The following JAK1 variants were observed in gnomAD, a reference collection of about 807,000 sequenced individuals.
JAK1 encodes Janus kinase 1, also known as tyrosine-protein kinase JAK1.
A neutral mutation model predicts 136.6 loss-of-function variants in JAK1; 16 were observed. The ratio of observed to expected loss-of-function variants is 0.12; its 90% CI spans 0.08 to 0.18. JAK1 has a LOEUF of 0.18. Ranked by LOEUF, JAK1 falls within the 10% of genes least tolerant of loss-of-function variation. The pLI is 1.00. For missense variants in JAK1, 859 were observed against 1,450.1 expected, an observed-to-expected ratio of 0.59 and a Z score of 6.62; for synonymous variants, 492 against 519.5, an observed-to-expected ratio of 0.95 and a Z score of 0.72.
intron 2 of JAK1, chr1:64,985,227 T>C (rs540515992): frequency 4.8e-5 from 76 of 1,596,674 alleles, no homozygotes; most frequent in South Asian, 3.1e-4. Context: ...TGTTGAGTAA[T>C]AGAACACAGT....
chr1:64,953,305 G>A (rs1646123311), intron 1 of JAK1, among the ~76,000 whole-genome samples: 1 of 6,356 alleles, frequency 1.6e-4, no homozygotes, highest in Non-Finnish European at 5.4e-3. Context: ...AACTTCCTCT[G>A]TGACAGGTCT....
intron 1 of JAK1, among the ~76,000 whole-genome samples, chr1:64,925,234 TAA>T (rs35866783): frequency 3.5e-3 from 500 of 143,612 alleles, no homozygotes; most frequent in Admixed American, 4.0e-3. Flanking sequence ...CCATCTCTAC[TAA>T]AAAAAAAAAA....
At chr1:65,013,316 G>A (rs1410342887) in intron 2 of JAK1, among the ~76,000 whole-genome samples, 1 of 145,198 alleles carries the variant, frequency 6.9e-6, no homozygotes, top group Non-Finnish European at 1.5e-5. Context: ...AGAATCACAT[G>A]AATCAGGAGG....
chr1:65,018,341 C>T (rs1325701690), intron 2 of JAK1, among the ~76,000 whole-genome samples: 1 of 151,444 alleles, frequency 6.6e-6, no homozygotes. Context: ...CAAATAAGAA[C>T]AAAAATGTGT....
chr1:65,050,239 T>A (rs1436698013), intron 1 of JAK1, among the ~76,000 whole-genome samples: 1 of 152,180 alleles, frequency 6.6e-6, no homozygotes, highest in East Asian at 1.9e-4. Flanking sequence ...ATGTTTCTTG[T>A]TTCACAGAAT....
In JAK1 at chr1:64,845,878, T is replaced by C. The variant is rs1056685790; in HGVS notation, c.1988-238A>G. Among the ~76,000 whole-genome samples the C allele has an allele frequency of 6.6e-5, 10 of 152,336 alleles. 1 individual carries two copies. Among genetic ancestry groups the C allele is most frequent in the Admixed American group, 5.2e-4 (8 of 15,310 alleles). On this transcript the variant is annotated intron_variant, in intron 14 of 24. Coordinates refer to ENST00000342505, the MANE Select transcript of JAK1 (RefSeq NM_002227.4). ...TTCTCTGAGCCTCAATTCCCTCATC[T>C]GTAATAACAGATGGCGGCTAAATGT... is the stretch of plus-strand genomic sequence containing the variant.
In JAK1 at chr1:64,913,651, GGAAA is replaced by G. The variant is rs1181572181; in HGVS notation, c.-77-27314_-77-27311del. Among the ~76,000 whole-genome samples, 437 of 85,860 alleles carry G rather than the reference GGAAA, an allele frequency of 5.1e-3. 10 individuals are homozygous for G. Among genetic ancestry groups the G allele is most frequent in the African/African-American group, 0.021 (376 of 17,914 alleles). The allele number at this position is 85,860 out of a possible 152,430, so 56.3% of individuals were successfully genotyped here. On this transcript the variant is annotated intron_variant, in intron 1 of 24. Transcript: ENST00000342505. The stretch of plus-strand genomic sequence containing the variant: ...AGGGAGGGAGGAAGGGAGGAAGGAA[GGAAA>G]GAAGGAAGGAAGGAAGGAAGGAAGG...
chr1:64,944,078 C>T (rs1410306251), intron 1 of JAK1, among the ~76,000 whole-genome samples: 1 of 151,586 alleles, frequency 6.6e-6, no homozygotes, highest in East Asian at 1.9e-4. Context: ...AAAAATTAGC[C>T]GGGTGTGGTG....
chr1:64,834,718 CAG>C (rs1383482743), intron 24 of JAK1, 61 bp from the exon 25 acceptor site: 4 of 1,052,936 alleles, frequency 3.8e-6, no homozygotes, highest in Non-Finnish European at 2.9e-6. Context: ...TAAAAAATAA[CAG>C]AAATATCAAG....
chr1:64,846,845 C>T (rs934091735), intron 13 of JAK1, 109 bp from the exon 14 acceptor site: 7 of 768,212 alleles, frequency 9.1e-6, no homozygotes, highest in East Asian at 2.6e-5. Context: ...TCACCACTGT[C>T]GCCACCCCAG....
chr1:65,014,692 T>C (rs1646877969), intron 2 of JAK1, among the ~76,000 whole-genome samples: 2 of 151,810 alleles, frequency 1.3e-5, no homozygotes, highest in South Asian at 4.1e-4. Flanking sequence ...CTATTCTTTT[T>C]TTTTTTTTTG....
At chr1:65,019,703 G>T (rs774009702) in intron 2 of JAK1, among the ~76,000 whole-genome samples, 1 of 152,038 alleles carries the variant, frequency 6.6e-6, no homozygotes, top group African/African-American at 2.4e-5. Flanking sequence ...GATCACCTGA[G>T]ACCAGGAGTT....
upstream of JAK1, among the ~76,000 whole-genome samples, chr1:64,970,897 C>T (rs1018319642): frequency 1.3e-5 from 2 of 152,122 alleles, no homozygotes; most frequent in African/African-American, 4.8e-5. Flanking sequence ...AAACCAAATG[C>T]AGTGTAGAAG....
Position 64,909,682 on chromosome 1 carries a change from G to A in JAK1, c.-77-23341C>T, listed in dbSNP as rs540997520. 3.3e-5 allele frequency among the ~76,000 whole-genome samples: 5 copies of A among 150,502 alleles called. No homozygotes were observed. In the South Asian group the frequency reaches 1.1e-3, roughly 32 times the overall value. ...CAAAAAAAAAAAAAAAATTTAGCCA[G>A]GTGTGGTGGCACATGCCTGTAGTCC... On this transcript the variant is annotated intron_variant, in intron 1 of 24. Coordinates refer to ENST00000342505, the MANE Select transcript of JAK1 (RefSeq NM_002227.4).
intron 2 of JAK1, among the ~76,000 whole-genome samples, chr1:65,001,191 C>T (rs1010092952): frequency 2.0e-5 from 3 of 152,180 alleles, no homozygotes; most frequent in Non-Finnish European, 4.4e-5. Flanking sequence ...AACTTTCATT[C>T]GCCGATTTCA....
rs1365767210 is a variant in JAK1, at chr1:64,984,265, C to T, written c.-78+60215G>A. 1.3e-5 allele frequency among the ~76,000 whole-genome samples: 2 copies of T among 152,034 alleles called. No individual in the cohort carries two copies. Among genetic ancestry groups the T allele is most frequent in the South Asian group, 2.1e-4 (1 of 4,830 alleles). On this transcript the variant is annotated intron_variant, in intron 2 of 25. Coordinates refer to the JAK1 transcript ENST00000671954. The surrounding 1 kb of genome is among the most constrained non-coding windows in gnomAD (Gnocchi z 4.1). ...GTGTATCTGCTTCCTGGTAAGTCTG[C>T]GGTTGGGGGAACTGCACCTTACTTT...
chr1:64,847,792 G>GT, intron 12 of JAK1, 117 bp from the exon 13 acceptor site: 2 of 1,170,602 alleles, frequency 1.7e-6, no homozygotes, highest in African/African-American at 3.1e-5. Flanking sequence ...AAGGCAAGAG[G>GT]GCTCCCTGCC....
intron 2 of JAK1, among the ~76,000 whole-genome samples, chr1:65,001,444 C>T (rs1346808947): frequency 2.0e-5 from 3 of 152,152 alleles, no homozygotes; most frequent in Non-Finnish European, 4.4e-5. Flanking sequence ...CTCGCCTTCC[C>T]GGAGGTCCCC....
At chr1:64,986,298 G>T (rs1303466325) in intron 2 of JAK1, among the ~76,000 whole-genome samples, 1 of 151,924 alleles carries the variant, frequency 6.6e-6, no homozygotes, top group South Asian at 2.1e-4. Flanking sequence ...GTAGAGATAG[G>T]GTTTCAAGAT....
Sources: allele counts gnomAD v4.1 joint callset (sites outside exome capture counted in the v4.1 genomes callset), GRCh38; gene constraint gnomAD v4.1.1; non-coding constraint Gnocchi (gnomAD v3.1); transcripts MANE v1.5; gene names NCBI Gene and HGNC (gene_info 2026-07-23, HGNC 2026-07-21).